KATNBL1: variants seen among roughly 807,000 people sequenced by gnomAD.
KATNBL1 encodes the protein katanin regulatory subunit B1 like 1.
In KATNBL1, 28 loss-of-function variants were observed where a neutral mutation model predicts 44.7. The ratio of observed to expected loss-of-function variants is 0.63; its 90% CI spans 0.46 to 0.86. The LOEUF (loss-of-function observed/expected upper bound fraction) is 0.86. Ranked by LOEUF, KATNBL1 falls within the 40% of genes least tolerant of loss-of-function variation. The pLI is 0.00. For synonymous variants in KATNBL1, 78 were observed against 114.9 expected, an observed-to-expected ratio of 0.68 and a Z score of 2.06; for missense variants, 272 against 350.7, an observed-to-expected ratio of 0.78 and a Z score of 1.79.
At chr15:34,181,631 C>CAT (rs1190350997) in intron 1 of KATNBL1, among the ~76,000 whole-genome samples, 1 of 114,416 alleles carries the variant, frequency 8.7e-6, no homozygotes, top group Non-Finnish European at 1.8e-5. Flanking sequence ...TATATATGTC[C>CAT]ATATATATAC....
chr15:34,181,870 CATATAT>C (rs374057022), intron 1 of KATNBL1, among the ~76,000 whole-genome samples: 1 of 73,102 alleles, frequency 1.4e-5, no homozygotes, highest in African/African-American at 6.0e-5. Context: ...TATATATATC[CATATAT>C]ATATATATAT....
chr15:34,144,019 G>T (rs1447867466), intron 9 of KATNBL1, among the ~76,000 whole-genome samples: 2 of 149,964 alleles, frequency 1.3e-5, no homozygotes, highest in Non-Finnish European at 3.0e-5. Flanking sequence ...CCACACAGTG[G>T]TAACAAACTT....
intron 1 of KATNBL1, among the ~76,000 whole-genome samples, chr15:34,166,521 CA>C (rs556519088): frequency 1.3e-5 from 2 of 152,240 alleles, no homozygotes; most frequent in Non-Finnish European, 2.9e-5. Context: ...CATAGCTGAA[CA>C]AAAGGCAGCA....
intron 1 of KATNBL1, among the ~76,000 whole-genome samples, chr15:34,181,153 G>A (rs1008190804): frequency 6.7e-6 from 1 of 149,562 alleles, no homozygotes; most frequent in African/African-American, 2.4e-5. Flanking sequence ...AGATTTTAAT[G>A]GATGCTGTAT....
intron 1 of KATNBL1, chr15:34,198,166 T>C (rs907010057): frequency 6.6e-6 from 1 of 152,184 alleles, no homozygotes; most frequent in Non-Finnish European, 1.5e-5. Context: ...TATGAAATAA[T>C]TGTAAAATTA....
intron 1 of KATNBL1, among the ~76,000 whole-genome samples, chr15:34,183,822 T>C (rs183588755): frequency 1.4e-4 from 21 of 152,178 alleles, no homozygotes; most frequent in African/African-American, 5.1e-4. Flanking sequence ...GGGCAAAAAC[T>C]TAAGAAACTA....
chr15:34,143,114 C>A (rs1371631521), intron 9 of KATNBL1: 4 of 772,004 alleles, frequency 5.2e-6, no homozygotes, highest in Admixed American at 2.8e-5. Context: ...TTTAATCACT[C>A]AATATTGTCC....
At chr15:34,205,694 G>C (rs1242249579) in intron 1 of KATNBL1, among the ~76,000 whole-genome samples, 1 of 152,184 alleles carries the variant, frequency 6.6e-6, no homozygotes, top group African/African-American at 2.4e-5. Context: ...CATCTGCGCA[G>C]TACTCCAACA....
intron 9 of KATNBL1, chr15:34,143,109 T>G: frequency 1.2e-6 from 1 of 828,800 alleles, no homozygotes; most frequent in Non-Finnish European, 1.7e-6. Flanking sequence ...GAACTTTTAA[T>G]CACTCAATAT....
At position 34,155,398 on chromosome 15, in the gene KATNBL1, C is replaced by T. The variant is rs77283096; in HGVS notation, c.118-714G>A. Among the ~76,000 whole-genome samples, 18 of 152,216 alleles carry T rather than the reference C, an allele frequency of 1.2e-4. 1 individual carries two copies. The East Asian group carries it at 3.1e-3, about 26-fold the overall frequency. On this transcript the variant is annotated intron_variant, in intron 2 of 9. Coordinates refer to ENST00000256544, the MANE Select transcript of KATNBL1 (RefSeq NM_024713.3). ...TTCTGTATGTCTTTGGACTAGCCCA[C>T]GGATGCGAGGTATGATGCAGCATCC...
chr15:34,151,835 G>A (rs747244860), intron 4 of KATNBL1, among the ~76,000 whole-genome samples: 2 of 152,030 alleles, frequency 1.3e-5, no homozygotes, highest in Non-Finnish European at 2.9e-5. Context: ...AGTTTTGCTT[G>A]AGCCAGAAGA....
chr15:34,190,790 A>T (rs1391822205), intron 1 of KATNBL1, among the ~76,000 whole-genome samples: 1 of 152,222 alleles, frequency 6.6e-6, no homozygotes, highest in Non-Finnish European at 1.5e-5. Flanking sequence ...TGCCAAAAAA[A>T]ATCAAACCTG....
intron 1 of KATNBL1, among the ~76,000 whole-genome samples, chr15:34,200,299 C>T (rs1890145849): frequency 2.0e-5 from 3 of 152,068 alleles, no homozygotes. Context: ...GTCTCCCAGG[C>T]TGGAGTGCAG....
intron 1 of KATNBL1, among the ~76,000 whole-genome samples, chr15:34,190,600 C>A (rs1398326742): frequency 6.6e-6 from 1 of 152,132 alleles, no homozygotes; most frequent in Non-Finnish European, 1.5e-5. Flanking sequence ...TCAATTTGAG[C>A]ATCAATAGAA....
intron 1 of KATNBL1, among the ~76,000 whole-genome samples, chr15:34,188,857 C>A (rs969541845): frequency 1.9e-4 from 29 of 152,338 alleles, no homozygotes; most frequent in African/African-American, 6.7e-4. Context: ...AACTGACTGT[C>A]AGCTGCTTTT....
At chr15:34,169,721 C>T (rs1406351239) in intron 1 of KATNBL1, among the ~76,000 whole-genome samples, 1 of 152,226 alleles carries the variant, frequency 6.6e-6, no homozygotes, top group Admixed American at 6.5e-5. Context: ...TCCAGCAGCA[C>T]ATCAAAACCT....
chr15:34,207,025 TACTAG>T (rs1237153711), intron 1 of KATNBL1, among the ~76,000 whole-genome samples: 1 of 146,480 alleles, frequency 6.8e-6, no homozygotes, highest in Non-Finnish European at 1.5e-5. Flanking sequence ...ATCTTGTTGT[TACTAG>T]ACAATACTTT....
intron 1 of KATNBL1, among the ~76,000 whole-genome samples, chr15:34,195,763 T>C (rs984795217): frequency 6.6e-6 from 1 of 151,266 alleles, no homozygotes; most frequent in African/African-American, 2.4e-5. Context: ...AACTGTCAAA[T>C]GACTATGTAT....
intron 9 of KATNBL1, among the ~76,000 whole-genome samples, chr15:34,144,503 G>A (rs1335070980): frequency 6.6e-6 from 1 of 150,944 alleles, no homozygotes; most frequent in African/African-American, 2.4e-5. Context: ...AGTATGCCCG[G>A]TAATAAAGTA....
Sources: allele counts gnomAD v4.1 joint callset (sites outside exome capture counted in the v4.1 genomes callset), GRCh38; gene constraint gnomAD v4.1.1; transcripts MANE v1.5; gene names NCBI Gene and HGNC (gene_info 2026-07-23, HGNC 2026-07-21).